The following MAPT variants were observed in gnomAD, a reference collection of about 807,000 sequenced individuals.
MAPT encodes microtubule-associated protein tau.
In MAPT, 34 loss-of-function variants were observed where a neutral mutation model predicts 67.9. The ratio of observed to expected loss-of-function variants is 0.50; its 90% CI spans 0.38 to 0.67. The LOEUF (loss-of-function observed/expected upper bound fraction) is 0.67. Ranked by LOEUF, MAPT falls within the 30% of genes least tolerant of loss-of-function variation. MAPT has a pLI of 0.00. For missense variants in MAPT, 881 were observed against 1,115.2 expected (o/e 0.79, Z 2.99); for synonymous variants, 456 against 464.5 (o/e 0.98, Z 0.23).
rs2146203515 is a variant in MAPT at position 46,022,347 on chromosome 17, T to C, written c.2287-1609T>C. 2.1e-5 allele frequency among the ~76,000 whole-genome samples: 3 copies of C among 139,936 alleles called. No individual in the cohort carries two copies. The South Asian group carries it at 7.0e-4, about 33-fold the overall frequency. The allele number at this position is 139,936 out of a possible 152,430, so 91.8% of individuals were successfully genotyped here. A position where few individuals can be genotyped will look rare whatever the true frequency, so the allele number is the denominator to read the frequency against. On this transcript the variant is annotated intron_variant, in intron 12 of 12. Coordinates refer to ENST00000262410, the MANE Select transcript of MAPT (RefSeq NM_001377265.1). The stretch of plus-strand genomic sequence containing the variant: ...CCAGCGTGGGTGACAAGGTGAATCT[T>C]TGTCTCAAAAAAAAAAAAAAAAAAA...
At chr17:45,985,611 C>A in intron 5 of MAPT, 1 of 910,798 alleles carries the variant, frequency 1.1e-6, no homozygotes, top group Non-Finnish European at 1.3e-6. Context: ...GAGAAGGTCA[C>A]AGAGTGGGTT....
At chr17:45,926,968 C>T (rs574363782) in intron 1 of MAPT, among the ~76,000 whole-genome samples, 342 of 149,388 alleles carry the variant, frequency 2.3e-3, no homozygotes, top group African/African-American at 7.8e-3. Flanking sequence ...TATATATATA[C>T]ATATATGTGT....
rs184482989 is a variant in MAPT, at chr17:45,972,200, A to G, written c.220+255A>G. On this transcript the variant is annotated intron_variant, in intron 3 of 12. Transcript: ENST00000262410. The stretch of plus-strand genomic sequence containing the variant: ...GACAGTCCCGCGCACAGCTCCACAA[A>G]GCCCCGCTCCATACGATTGTCCTCC... 920 of 659,322 alleles carry G rather than the reference A, an allele frequency of 1.4e-3. 1 individual carries two copies. Among genetic ancestry groups the G allele is most frequent in the Non-Finnish European group, 2.2e-3 (802 of 358,692 alleles). 40.8% of individuals were successfully genotyped at this position (659,322 alleles called of 1,614,324 possible).
In MAPT at chr17:45,983,712, T is replaced by G. The variant is rs1240255047; in HGVS notation, c.1133T>G (p.Phe378Cys). The change falls in exon 5 of 13, where the codon TTT becomes TGT. Residue 378 changes from phenylalanine to cysteine, a missense_variant. By Grantham distance (205) the Phe-to-Cys change is radical. Coordinates refer to ENST00000262410, the MANE Select transcript of MAPT (RefSeq NM_001377265.1). ...KGQDAPLEFT[F>C]HVEITPNVQK... ...CAGGATGCCCCCCTGGAGTTCACGT[T>G]TCACGTGGAAATCACACCCAACGTG... The G allele has an allele frequency of 3.7e-6, 6 of 1,614,032 alleles. No homozygotes were observed. Among genetic ancestry groups the G allele is most frequent in the Non-Finnish European group, 4.2e-6 (5 of 1,180,022 alleles).
chr17:45,944,607 G>C (rs762432288), intron 1 of MAPT, among the ~76,000 whole-genome samples: 1 of 152,190 alleles, frequency 6.6e-6, no homozygotes, highest in African/African-American at 2.4e-5. Context: ...GTACAGGGTA[G>C]AGCGGGCCTC....
chr17:45,945,847 C>G (rs1320435612), intron 1 of MAPT, among the ~76,000 whole-genome samples: 1 of 152,008 alleles, frequency 6.6e-6, no homozygotes, highest in Admixed American at 6.6e-5. Context: ...CTTGTTAATA[C>G]CAGCATATTG....
chr17:45,974,440 G>A, intron 3 of MAPT: 4 of 1,609,564 alleles, frequency 2.5e-6, no homozygotes, highest in Non-Finnish European at 3.4e-6. Context: ...CTGCCGCGCA[G>A]CCCCACACGG....
chr17:45,995,947 A>T lies in MAPT; in HGVS notation c.1733-452A>T, dbSNP rs1440076353. On this transcript the variant is annotated intron_variant, in intron 8 of 12. Coordinates refer to ENST00000262410, the MANE Select transcript of MAPT (RefSeq NM_001377265.1). This position sits in a 1 kb window ranked among gnomAD's most constrained non-coding sequence, Gnocchi z 4.3. ...TTATTTAGGATAAAGGCCCTGAAGA[A>T]TTGTATTAGAGGTTGGCAAAGCATA... is the stretch of plus-strand genomic sequence containing the variant. Among the ~76,000 whole-genome samples the T allele has an allele frequency of 6.6e-6, 1 of 152,148 alleles. No homozygotes were observed. Among genetic ancestry groups the T allele is most frequent in the African/African-American group, 2.4e-5 (1 of 41,428 alleles).
chr17:46,013,069 T>C (rs191140866), intron 10 of MAPT, among the ~76,000 whole-genome samples: 1 of 152,292 alleles, frequency 6.6e-6, no homozygotes, highest in East Asian at 1.9e-4. Context: ...TAGACCTAAG[T>C]GGAAGGAGAA....
At chr17:45,976,719 G>A (rs2072396781) in intron 3 of MAPT, 1 of 152,640 alleles carries the variant, frequency 6.6e-6, no homozygotes, top group Non-Finnish European at 1.5e-5. Flanking sequence ...CTCCCTCCAT[G>A]GTGTTCCCAA....
chr17:45,980,668 CT>C (rs1278368241), intron 4 of MAPT, among the ~76,000 whole-genome samples: 1 of 152,056 alleles, frequency 6.6e-6, no homozygotes, highest in African/African-American at 2.4e-5. Context: ...GTCCTTGTCT[CT>C]TTTTTAATAG....
chr17:45,955,785 G>A (rs2069583141), intron 1 of MAPT, among the ~76,000 whole-genome samples: 1 of 151,072 alleles, frequency 6.6e-6, no homozygotes, highest in South Asian at 2.1e-4. Flanking sequence ...GCCCAGGCAG[G>A]AGTGCAGTGG....
At position 46,027,457 on chromosome 17, in the gene MAPT, G is replaced by C. The variant is rs1001851632; in HGVS notation, c.*3286G>C. 6.6e-6 allele frequency: 1 copy of C among 152,498 alleles called. No individual in the cohort carries two copies. Among genetic ancestry groups the C allele is most frequent in the African/African-American group, 2.4e-5 (1 of 41,434 alleles). The allele number at this position is 152,498 out of a possible 1,614,324, so 9.4% of individuals were successfully genotyped here. A position where few individuals can be genotyped will look rare whatever the true frequency, so the allele number is the denominator to read the frequency against. On this transcript the variant is annotated 3_prime_UTR_variant, in exon 13 of 13. Coordinates refer to ENST00000262410, the MANE Select transcript of MAPT (RefSeq NM_001377265.1). The stretch of plus-strand genomic sequence containing the variant: ...TACTGTATGCCGGCTCCTTCAAGCT[G>C]CTGACTCACTTTATCAATAGTTCCA...
intron 10 of MAPT, among the ~76,000 whole-genome samples, chr17:46,012,941 C>T (rs574874650): frequency 1.2e-4 from 19 of 152,282 alleles, no homozygotes; most frequent in African/African-American, 4.6e-4. Context: ...AACGTCCTTG[C>T]CACAGATCAT....
rs1379900903 is a variant in MAPT at position 45,962,349 on chromosome 17, C to T, written c.12C>T (p.Pro4=). 6.2e-7 allele frequency: 1 copy of T among 1,612,032 alleles called. No individual in the cohort carries two copies. The highest frequency in any genetic ancestry group is 1.1e-5 in the South Asian group (1 of 90,978). MAE[P]RQEFEVMEDH... ...AACTTTGAACCAGGATGGCTGAGCC[C>T]CGCCAGGAGTTCGAAGTGATGGAAG... The change falls in exon 2 of 13, where the codon CCC becomes CCT. Residue 4 remains proline, a synonymous_variant. Coordinates refer to ENST00000262410, the MANE Select transcript of MAPT (RefSeq NM_001377265.1).
intron 1 of MAPT, among the ~76,000 whole-genome samples, chr17:45,899,003 G>T (rs2063453748): frequency 6.6e-6 from 1 of 152,176 alleles, no homozygotes; most frequent in Admixed American, 6.5e-5. Flanking sequence ...ATGCCCAGGA[G>T]TTAGGTGCTT....
At chr17:45,967,239 T>C (rs2071176830) in intron 2 of MAPT, among the ~76,000 whole-genome samples, 1 of 152,246 alleles carries the variant, frequency 6.6e-6, no homozygotes, top group African/African-American at 2.4e-5. Context: ...TAACTTGTTA[T>C]GCCTTCCAGA....
chr17:45,941,546 ACT>A (rs2067855823), intron 1 of MAPT, among the ~76,000 whole-genome samples: 1 of 149,114 alleles, frequency 6.7e-6, no homozygotes, highest in East Asian at 2.0e-4. Flanking sequence ...CTGTGTCTAC[ACT>A]CTTTGTGCTT....
intron 10 of MAPT, among the ~76,000 whole-genome samples, chr17:46,013,185 GCTGA>G (rs1398913978): frequency 1.3e-5 from 2 of 152,160 alleles, no homozygotes; most frequent in Non-Finnish European, 2.9e-5. Flanking sequence ...TTCCTCGGGA[GCTGA>G]CTGATAGGTG....
Sources: gnomAD v4.1 joint callset for allele counts (sites outside exome capture counted in the v4.1 genomes callset) on GRCh38, gnomAD v4.1.1 for gene constraint, Gnocchi (gnomAD v3.1) non-coding constraint, MANE v1.5 for transcripts, NCBI Gene and HGNC (gene_info 2026-07-23, HGNC 2026-07-21) for gene names.